FTCDNL1: variants seen among roughly 807,000 people sequenced by gnomAD.
The protein encoded by FTCDNL1 is formiminotransferase N-terminal subdomain-containing protein.
Under a neutral mutation model 5.9 loss-of-function variants are expected in FTCDNL1, and 11 were observed. The observed-to-expected ratio is 1.87, with a 90% CI of 1.18 to 3.10. The LOEUF (loss-of-function observed/expected upper bound fraction) is 3.10. Ranked by LOEUF, FTCDNL1 falls within the 30% of genes most tolerant of loss-of-function variation. The pLI is 0.00. For synonymous variants in FTCDNL1, 58 were observed against 24.8 expected (o/e 2.34, Z -3.99); for missense variants, 115 against 65.5 (o/e 1.76, Z -2.61).
the FTCDNL1 span, among the ~76,000 whole-genome samples, chr2:199,700,376 A>G: frequency 6.6e-6 from 1 of 152,228 alleles, no homozygotes; most frequent in Admixed American, 6.5e-5. Flanking sequence ...GAATTACAAA[A>G]CACTGCTCAA....
chr2:199,735,021 C>T, the FTCDNL1 span, among the ~76,000 whole-genome samples: 7 of 148,722 alleles, frequency 4.7e-5, no homozygotes, highest in East Asian at 2.0e-4. Context: ...CAGGTACTAA[C>T]CACAAAGGTG....
At chr2:199,720,930 T>A in the FTCDNL1 span, among the ~76,000 whole-genome samples, 5 of 152,138 alleles carry the variant, frequency 3.3e-5, no homozygotes, top group African/African-American at 7.2e-5. Flanking sequence ...TCAGTTGAGG[T>A]CTTCCTTCTC....
At chr2:199,672,023 C>T in the FTCDNL1 span, among the ~76,000 whole-genome samples, 1 of 152,278 alleles carries the variant, frequency 6.6e-6, no homozygotes, top group South Asian at 2.1e-4. Context: ...CCCACGTTCT[C>T]GGTCACAGAA....
the FTCDNL1 span, among the ~76,000 whole-genome samples, chr2:199,679,835 A>G: frequency 6.6e-6 from 1 of 152,168 alleles, no homozygotes; most frequent in Non-Finnish European, 1.5e-5. Context: ...TTCAATCTAG[A>G]TCATTACTAC....
the FTCDNL1 span, among the ~76,000 whole-genome samples, chr2:199,740,220 G>A: frequency 6.6e-6 from 1 of 152,180 alleles, no homozygotes; most frequent in Non-Finnish European, 1.5e-5. Flanking sequence ...CACTGGCAAA[G>A]AGCCACCTAA....
chr2:199,757,630 T>C (rs1470126098), downstream of FTCDNL1, among the ~76,000 whole-genome samples: 5 of 152,140 alleles, frequency 3.3e-5, no homozygotes, highest in Non-Finnish European at 7.4e-5. Flanking sequence ...TCACTGCACA[T>C]CCTCCCTCAA....
At chr2:199,817,735 C>A (rs1259602614) in intron 4 of FTCDNL1, among the ~76,000 whole-genome samples, 1 of 150,214 alleles carries the variant, frequency 6.7e-6, no homozygotes, top group Non-Finnish European at 1.5e-5. Context: ...TGCCATGAGA[C>A]CCTGTCTCAA....
intron 3 of FTCDNL1, among the ~76,000 whole-genome samples, chr2:199,839,871 C>T (rs926909958): frequency 8.5e-5 from 13 of 152,088 alleles, no homozygotes; most frequent in East Asian, 5.8e-4. Flanking sequence ...TGGCACTTTC[C>T]GATATGCAAA....
At chr2:199,768,245 T>C (rs1698628575) in intron 3 of FTCDNL1, among the ~76,000 whole-genome samples, 2 of 152,204 alleles carry the variant, frequency 1.3e-5, no homozygotes, top group African/African-American at 4.8e-5. Flanking sequence ...AAAGATTGCA[T>C]TGGGTTCTTA....
At chr2:199,755,892 T>C (rs1698059120), downstream of FTCDNL1, among the ~76,000 whole-genome samples, 1 of 152,178 alleles carries the variant, frequency 6.6e-6, no homozygotes, top group Admixed American at 6.5e-5. Context: ...AAATATTAGC[T>C]TCTGTTATTA....
At position 199,760,937 on chromosome 2, in the gene FTCDNL1, T is replaced by C. The variant is rs1698241876; in HGVS notation, c.212-102A>G. ...CCATTCCTTTCCTTGCTTCACTGTC[T>C]GGCTGACAGTAGCTACCTGGCAGCT... is the stretch of plus-strand genomic sequence containing the variant. On this transcript the variant is annotated intron_variant, in intron 3 of 3. Transcript: ENST00000416668. The C allele has an allele frequency of 4.2e-5, 29 of 691,534 alleles. No individual in the cohort carries two copies. The South Asian group carries it at 4.3e-4, about 10-fold the overall frequency. 42.8% of individuals were successfully genotyped at this position (691,534 alleles called of 1,614,324 possible).
At chr2:199,691,974 A>T in the FTCDNL1 span, among the ~76,000 whole-genome samples, 1 of 152,234 alleles carries the variant, frequency 6.6e-6, no homozygotes, top group Non-Finnish European at 1.5e-5. Flanking sequence ...TTGCATTATT[A>T]AAATAGCTTC....
At chr2:199,815,195 C>T (rs1701280983) in intron 4 of FTCDNL1, among the ~76,000 whole-genome samples, 2 of 152,022 alleles carry the variant, frequency 1.3e-5, no homozygotes, top group Non-Finnish European at 2.9e-5. Context: ...ATTTATGTTC[C>T]CCACAAGCTG....
intron 3 of FTCDNL1, among the ~76,000 whole-genome samples, chr2:199,778,609 C>T (rs1338249154): frequency 6.6e-6 from 1 of 152,108 alleles, no homozygotes; most frequent in Admixed American, 6.5e-5. Context: ...TCCTATTTTC[C>T]CAGCAAAGCA....
intron 3 of FTCDNL1, among the ~76,000 whole-genome samples, chr2:199,792,740 T>TA (rs1299933654): frequency 6.6e-6 from 1 of 152,202 alleles, no homozygotes; most frequent in Non-Finnish European, 1.5e-5. Flanking sequence ...CATAGAGATT[T>TA]ATCTCCTCGT....
At chr2:199,679,817 T>A in the FTCDNL1 span, among the ~76,000 whole-genome samples, 1 of 152,160 alleles carries the variant, frequency 6.6e-6, no homozygotes, top group Non-Finnish European at 1.5e-5. Context: ...ATTGACATCA[T>A]CTGGGATTTC....
chr2:199,827,333 G>A (rs1458843108), intron 3 of FTCDNL1, among the ~76,000 whole-genome samples: 22 of 152,106 alleles, frequency 1.4e-4, no homozygotes, highest in South Asian at 1.2e-3. Flanking sequence ...GGGGGATTTC[G>A]GGGGACAGGG....
At chr2:199,702,879 G>A in the FTCDNL1 span, among the ~76,000 whole-genome samples, 4 of 152,272 alleles carry the variant, frequency 2.6e-5, no homozygotes, top group Non-Finnish European at 5.9e-5. Context: ...CGAAGAAATA[G>A]CAGATGGAAC....
At chr2:199,678,615 G>T in the FTCDNL1 span, among the ~76,000 whole-genome samples, 1 of 151,514 alleles carries the variant, frequency 6.6e-6, no homozygotes, top group Non-Finnish European at 1.5e-5. Context: ...TATATTAAGT[G>T]TATGATTTAT....
Sources: allele counts gnomAD v4.1 joint callset (sites outside exome capture counted in the v4.1 genomes callset), GRCh38; gene constraint gnomAD v4.1.1; transcripts MANE v1.5; gene names NCBI Gene and HGNC (gene_info 2026-07-23, HGNC 2026-07-21).